The following TBX21 variants were observed in gnomAD, a reference collection of about 807,000 sequenced individuals.
The protein encoded by TBX21 is T-box transcription factor TBX21.
A neutral mutation model predicts 52.2 loss-of-function variants in TBX21; 11 were observed. That is an observed-to-expected ratio of 0.21 (90% CI 0.13 to 0.35). The LOEUF is 0.35. TBX21 is among the 10% of genes least tolerant of loss of function. The pLI, the probability that TBX21 is intolerant of heterozygous loss-of-function variation, is 1.00. For synonymous variants in TBX21, 300 were observed against 316.1 expected, an observed-to-expected ratio of 0.95 and a Z score of 0.54; for missense variants, 625 against 755.1, an observed-to-expected ratio of 0.83 and a Z score of 2.02.
chr17:47,738,221 G>A (rs1336881796), intron 1 of TBX21, among the ~76,000 whole-genome samples: 4 of 152,144 alleles, frequency 2.6e-5, no homozygotes, highest in Non-Finnish European at 4.4e-5. Flanking sequence ...GCAGTGGTGC[G>A]ATTATGGCTC....
intron 3 of TBX21, 57 bp downstream of exon 3, chr17:47,743,249 C>T: frequency 6.2e-7 from 1 of 1,600,272 alleles, no homozygotes; most frequent in South Asian, 1.1e-5. Context: ...GGGTCTGAGA[C>T]CTCCAAGGCC....
intron 3 of TBX21, 103 bp downstream of exon 3, chr17:47,743,295 T>C: frequency 6.8e-7 from 1 of 1,471,358 alleles, no homozygotes; most frequent in Non-Finnish European, 9.2e-7. Flanking sequence ...GTTCATTTTT[T>C]CTTCCTTCCT....
intron 1 of TBX21, among the ~76,000 whole-genome samples, chr17:47,734,611 A>ATGTG (rs1341316539): frequency 1.7e-5 from 1 of 60,090 alleles, no homozygotes; most frequent in Non-Finnish European, 3.4e-5. Context: ...GTGTGTGTGT[A>ATGTG]TGTGTGTGTG....
At chr17:47,738,704 G>A (rs2032235250) in intron 1 of TBX21, among the ~76,000 whole-genome samples, 2 of 151,546 alleles carry the variant, frequency 1.3e-5, no homozygotes, top group Admixed American at 6.6e-5. Flanking sequence ...AGGTTCAAGC[G>A]ATTCTCCCAC....
At position 47,742,703 on chromosome 17, in the gene TBX21, C is replaced by A; in HGVS notation, c.585C>A (p.His195Gln). The A allele has an allele frequency of 6.3e-7, 1 of 1,593,976 alleles. No homozygotes were observed. The highest frequency in any genetic ancestry group is 8.5e-7 in the Non-Finnish European group (1 of 1,170,774). ...MFVDVVLVDQ[H>Q]HWRYQSGKWV... is the part of the protein sequence containing the mutation. ...TGGACGTGGTCTTGGTGGACCAGCACCACTGGCGGTACCAGAGCGGCAAGT... is the reference window on the plus strand; with the variant it reads ...TGGACGTGGTCTTGGTGGACCAGCAACACTGGCGGTACCAGAGCGGCAAGT... Residue 195 changes from histidine to glutamine, a missense_variant, in exon 2 of 6, where the codon CAC (histidine) becomes CAA (glutamine). Coordinates refer to ENST00000177694, the MANE Select transcript of TBX21 (RefSeq NM_013351.2). This position sits in a 1 kb window ranked among gnomAD's most constrained non-coding sequence, Gnocchi z 4.4.
In TBX21 at chr17:47,744,239, T is replaced by C. The variant is rs770088464; in HGVS notation, c.813T>C (p.His271=). ...QSLHKYQPRL[H]IVEVNDGEPE... is the part of the protein sequence containing the mutation. ...TCCATAAGTACCAGCCCCGGCTGCA[T>C]ATCGTTGAGGTGAACGACGGAGAGC... is the stretch of plus-strand genomic sequence containing the variant. The change falls in exon 4 of 6, where the codon CAT becomes CAC. Residue 271 remains histidine, a synonymous_variant. Coordinates refer to ENST00000177694, the MANE Select transcript of TBX21 (RefSeq NM_013351.2). The C allele has an allele frequency of 6.2e-7, 1 of 1,614,226 alleles. No individual in the cohort carries two copies. Among genetic ancestry groups the C allele is most frequent in the Admixed American group, 1.7e-5 (1 of 60,020 alleles).
rs768075328 is a variant in TBX21 at position 47,742,748 on chromosome 17, C to T, written c.630C>T (p.Ala210=). 3 of 1,575,108 alleles carry T rather than the reference C, an allele frequency of 1.9e-6. No individual in the cohort carries two copies. The highest frequency in any genetic ancestry group is 2.6e-6 in the Non-Finnish European group (3 of 1,160,176). ...GCAAGTGGGTGCAGTGTGGAAAGGCCGAGGGCAGCATGCCAGGTGCGCGCG... is the reference window on the plus strand; with the variant it reads ...GCAAGTGGGTGCAGTGTGGAAAGGCTGAGGGCAGCATGCCAGGTGCGCGCG... ...QSGKWVQCGK[A]EGSMPGNRLY... Residue 210 remains alanine (A), a synonymous_variant, in exon 2 of 6, where the codon GCC becomes GCT. Coordinates refer to ENST00000177694, the MANE Select transcript of TBX21 (RefSeq NM_013351.2). The surrounding 1 kb of genome is among the most constrained non-coding windows in gnomAD (Gnocchi z 4.4).
At chr17:47,744,076 A>C in intron 3 of TBX21, 119 bp from the exon 4 acceptor site, 1 of 1,277,178 alleles carries the variant, frequency 7.8e-7, no homozygotes, top group Non-Finnish European at 1.1e-6. Context: ...GAGCAGGGGA[A>C]TGGACAGGAT....
In TBX21 at chr17:47,742,478, C is replaced by G. The variant is rs1053880506; in HGVS notation, c.492-132C>G. 5.3e-6 allele frequency: 6 copies of G among 1,122,322 alleles called. No homozygotes were observed. The African/African-American group carries it at 9.5e-5, about 18-fold the overall frequency. The allele number at this position is 1,122,322 out of a possible 1,614,324, so 69.5% of individuals were successfully genotyped here. On this transcript the variant is annotated intron_variant, in intron 1 of 5. Transcript: ENST00000177694. This position sits in a 1 kb window ranked among gnomAD's most constrained non-coding sequence, Gnocchi z 4.4. Reference sequence around the variant, plus strand: ...CACTGGCTGGCAAACTCCCTAAACACCTTCCAGCTGGTTCTTGTGAGTGGG... The same window carrying G: ...CACTGGCTGGCAAACTCCCTAAACAGCTTCCAGCTGGTTCTTGTGAGTGGG...
intron 1 of TBX21, among the ~76,000 whole-genome samples, chr17:47,737,895 G>C (rs916699312): frequency 6.6e-6 from 1 of 152,150 alleles, no homozygotes; most frequent in African/African-American, 2.4e-5. Flanking sequence ...AAAGTGCTGG[G>C]ATTACAGGTG....
chr17:47,736,613 G>A (rs532045205), intron 1 of TBX21, among the ~76,000 whole-genome samples: 2 of 152,064 alleles, frequency 1.3e-5, no homozygotes, highest in East Asian at 1.9e-4. Context: ...TAGACCCCAC[G>A]CTGCCATGGA....
Position 47,733,768 on chromosome 17 carries a change from GC to G in TBX21, c.315del (p.Glu106ArgfsTer32). 6.6e-7 allele frequency: 1 copy of G among 1,508,798 alleles called. No individual in the cohort carries two copies. The highest frequency in any genetic ancestry group is 8.8e-7 in the Non-Finnish European group (1 of 1,130,986). 93.5% of individuals were successfully genotyped at this position (1,508,798 alleles called of 1,614,324 possible). On this transcript the variant is annotated frameshift_variant, in exon 1 of 6. Coordinates refer to ENST00000177694, the MANE Select transcript of TBX21 (RefSeq NM_013351.2). LOFTEE classifies it high-confidence loss of function. This position sits in a 1 kb window ranked among gnomAD's most constrained non-coding sequence, Gnocchi z 6.6. The stretch of plus-strand genomic sequence containing the variant: ...GCGGACGCCGAGGGCTACCAGCCGG[GC>G]GAGGGCTACGCCGCCCCGGACCCGC... ...PPADAEGYQP[G>X]EGYAAPDPRA...
Position 47,745,557 on chromosome 17 carries a change from C to T in TBX21, c.*191C>T, listed in dbSNP as rs1468876271. 1.4e-6 allele frequency: 1 copy of T among 705,452 alleles called. No individual in the cohort carries two copies. Among genetic ancestry groups the T allele is most frequent in the Non-Finnish European group, 2.2e-6 (1 of 448,194 alleles). 43.7% of individuals were successfully genotyped at this position (705,452 alleles called of 1,614,324 possible). ...AGATGCTTCCTGGCCCACGATGAAA[C>T]CTGAGAGGGGTGTCCCCTTGCCCCA... On this transcript the variant is annotated 3_prime_UTR_variant, in exon 6 of 6. Transcript: ENST00000177694.
intron 1 of TBX21, among the ~76,000 whole-genome samples, chr17:47,736,965 G>A (rs1353405671): frequency 6.6e-6 from 1 of 152,122 alleles, no homozygotes; most frequent in Admixed American, 6.5e-5. Flanking sequence ...ACCCACCCTG[G>A]ATCTATCCCT....
rs17244544 is a variant in TBX21 at position 47,733,376 on chromosome 17, C to T, written c.-79C>T. On this transcript the variant is annotated 5_prime_UTR_variant, in exon 1 of 6. Coordinates refer to ENST00000177694, the MANE Select transcript of TBX21 (RefSeq NM_013351.2). This position sits in a 1 kb window ranked among gnomAD's most constrained non-coding sequence, Gnocchi z 6.6. ...GGGTCCCCCGCCCCCTGCTCCCTGC[C>T]CATCCCAGCCCACGCGACCCTCTCG... is the stretch of plus-strand genomic sequence containing the variant. The T allele has an allele frequency of 0.047, 64,207 of 1,380,734 alleles. 1,727 individuals carry two copies. Among genetic ancestry groups the T allele is most frequent in the Middle Eastern group, 0.12 (445 of 3,830 alleles). The allele number at this position is 1,380,734 out of a possible 1,614,324, so 85.5% of individuals were successfully genotyped here.
At chr17:47,744,457 G>A (rs749761709) in intron 4 of TBX21, 25 bp from the exon 5 acceptor site, 139 of 1,614,030 alleles carry the variant, frequency 8.6e-5, no homozygotes, top group Non-Finnish European at 1.1e-4. Flanking sequence ...CAGGACTCAG[G>A]TGACTCTATT....
Position 47,745,262 on chromosome 17 carries a change from G to C in TBX21, c.1504G>C (p.Val502Leu), listed in dbSNP as rs202153122. ...LGEGDSKRRR[V>L]SPYPSSGDSS... ...CGAAGGAGACTCTAAGAGGAGGCGC[G>C]TGTCCCCCTATCCTTCCAGTGGTGA... Residue 502 changes from valine to leucine, a missense_variant, in exon 6 of 6, where the codon GTG (valine) becomes CTG (leucine). This residue lies in a region of TBX21 where 261 missense variants were observed against 275.1 expected (regional missense o/e 0.95). Transcript: ENST00000177694. 2.5e-6 allele frequency: 4 copies of C among 1,614,230 alleles called. No homozygotes were observed. In the East Asian group the frequency reaches 8.9e-5, roughly 36 times the overall value.
chr17:47,734,261 C>A (rs2032177310), intron 1 of TBX21, among the ~76,000 whole-genome samples: 1 of 152,118 alleles, frequency 6.6e-6, no homozygotes, highest in African/African-American at 2.4e-5. Flanking sequence ...CTGCCCCACT[C>A]TCTACTGTAG....
At position 47,734,554 on chromosome 17, in the gene TBX21, G is replaced by GGTGTGTGT. The variant is rs55690005; in HGVS notation, c.491+658_491+665dup. Among the ~76,000 whole-genome samples, 652 of 102,940 alleles carry GGTGTGTGT rather than the reference G, an allele frequency of 6.3e-3. 14 individuals carry two copies. The highest frequency in any genetic ancestry group is 0.013 in the East Asian group (45 of 3,334). 67.5% of individuals were successfully genotyped at this position (102,940 alleles called of 152,430 possible). ...GGTCTTACTTTGAGATCATATGTCTGGTGTGTGTGTGTGTGTGTGTGTGTG... is the reference window on the plus strand; with the variant it reads ...GGTCTTACTTTGAGATCATATGTCTGGTGTGTGTGTGTGTGTGTGTGTGTGTGTGTGTG... On this transcript the variant is annotated intron_variant, in intron 1 of 5. Coordinates refer to ENST00000177694, the MANE Select transcript of TBX21 (RefSeq NM_013351.2).
Sources: gnomAD v4.1 joint callset for allele counts (sites outside exome capture counted in the v4.1 genomes callset) on GRCh38, gnomAD v4.1.1 for gene constraint, gnomAD v4.1.1 regional missense constraint, Gnocchi (gnomAD v3.1) non-coding constraint, MANE v1.5 for transcripts, NCBI Gene and HGNC (gene_info 2026-07-23, HGNC 2026-07-21) for gene names.